SRBD1: variants seen among roughly 807,000 people sequenced by gnomAD.
SRBD1 encodes the protein S1 RNA binding domain 1.
Under a neutral mutation model 115.3 loss-of-function variants are expected in SRBD1, and 88 were observed. That is an observed-to-expected ratio of 0.76 (90% CI 0.64 to 0.91). The LOEUF is 0.91. SRBD1 is among the 40% of genes least tolerant of loss of function. SRBD1 has a pLI of 0.00. For synonymous variants in SRBD1, 509 were observed against 407.7 expected (o/e 1.25, Z -2.99); for missense variants, 1,385 against 1,177.4 (o/e 1.18, Z -2.58).
At chr2:45,514,003 T>C (rs953700261) in intron 14 of SRBD1, among the ~76,000 whole-genome samples, 3 of 152,184 alleles carry the variant, frequency 2.0e-5, no homozygotes, top group Admixed American at 1.3e-4. Context: ...TCTTTCATCA[T>C]ATTAGTTTAT....
intron 7 of SRBD1, among the ~76,000 whole-genome samples, chr2:45,576,334 G>C (rs967891677): frequency 1.3e-5 from 2 of 151,482 alleles, no homozygotes; most frequent in African/African-American, 4.9e-5. Context: ...TCAGCTTTAT[G>C]TCATCAGTAA....
At chr2:45,467,569 G>A (rs953082502) in intron 16 of SRBD1, among the ~76,000 whole-genome samples, 2 of 152,014 alleles carry the variant, frequency 1.3e-5, no homozygotes, top group Admixed American at 6.6e-5. Flanking sequence ...GACCATGGGG[G>A]AAAAATAATT....
At chr2:45,548,735 A>G (rs1004716644) in intron 12 of SRBD1, among the ~76,000 whole-genome samples, 5 of 150,306 alleles carry the variant, frequency 3.3e-5, no homozygotes, top group African/African-American at 1.2e-4. Flanking sequence ...AAAAACACTG[A>G]TAAAATATAT....
At chr2:45,502,448 T>C (rs890504496) in intron 14 of SRBD1, among the ~76,000 whole-genome samples, 7 of 152,084 alleles carry the variant, frequency 4.6e-5, no homozygotes, top group African/African-American at 1.4e-4. Context: ...CCATCAATGA[T>C]AGAATGGATT....
intron 16 of SRBD1, among the ~76,000 whole-genome samples, chr2:45,462,828 A>C (rs1382992586): frequency 6.6e-6 from 1 of 152,038 alleles, no homozygotes; most frequent in Admixed American, 6.5e-5. Flanking sequence ...TGCATCTCAA[A>C]AAAAAAAGTA....
chr2:45,409,846 G>T (rs1484064300), intron 19 of SRBD1, among the ~76,000 whole-genome samples: 1 of 152,010 alleles, frequency 6.6e-6, no homozygotes, highest in Non-Finnish European at 1.5e-5. Flanking sequence ...ACAGCTTAGA[G>T]AAATAAAAGA....
chr2:45,437,398 A>T (rs1668530835), intron 16 of SRBD1, among the ~76,000 whole-genome samples: 1 of 152,032 alleles, frequency 6.6e-6, no homozygotes, highest in African/African-American at 2.4e-5. Flanking sequence ...ATGGAATAGA[A>T]AGCACCAAAA....
chr2:45,480,418 G>C (rs1244630533), intron 15 of SRBD1, among the ~76,000 whole-genome samples: 1 of 152,160 alleles, frequency 6.6e-6, no homozygotes, highest in Non-Finnish European at 1.5e-5. Context: ...CCAGAGTTTG[G>C]AGGACAGTGA....
intron 15 of SRBD1, among the ~76,000 whole-genome samples, chr2:45,484,672 AT>A (rs1458490206): frequency 6.6e-6 from 1 of 152,210 alleles, no homozygotes; most frequent in Non-Finnish European, 1.5e-5. Context: ...GTGCCCCACC[AT>A]CTCCTATCAA....
At chr2:45,538,354 G>C (rs1304413857) in intron 14 of SRBD1, among the ~76,000 whole-genome samples, 1 of 152,146 alleles carries the variant, frequency 6.6e-6, no homozygotes, top group African/African-American at 2.4e-5. Context: ...ACTAAACTTA[G>C]AGGGATCAGA....
chr2:45,556,593 G>A (rs577195198), intron 10 of SRBD1, among the ~76,000 whole-genome samples: 12 of 151,542 alleles, frequency 7.9e-5, no homozygotes, highest in Non-Finnish European at 1.6e-4. Context: ...CTCCCGAGTA[G>A]CTGGGACTAC....
chr2:45,453,854 A>G (rs1378130923), intron 16 of SRBD1, among the ~76,000 whole-genome samples: 1 of 152,006 alleles, frequency 6.6e-6, no homozygotes, highest in Non-Finnish European at 1.5e-5. Flanking sequence ...ATTCTTTTTA[A>G]AGATTCTTCT....
At chr2:45,518,156 T>C (rs1671176432) in intron 14 of SRBD1, among the ~76,000 whole-genome samples, 1 of 152,090 alleles carries the variant, frequency 6.6e-6, no homozygotes, top group African/African-American at 2.4e-5. Context: ...AATAATATAT[T>C]TAGCCTCCAC....
chr2:45,542,519 G>C (rs1293348413), intron 14 of SRBD1, among the ~76,000 whole-genome samples: 7 of 152,192 alleles, frequency 4.6e-5, no homozygotes, highest in African/African-American at 1.7e-4. Flanking sequence ...CTCCCCTGCT[G>C]CAGCCAGTGT....
At chr2:45,415,501 A>T (rs1348201356) in intron 18 of SRBD1, among the ~76,000 whole-genome samples, 1 of 147,312 alleles carries the variant, frequency 6.8e-6, no homozygotes, top group Non-Finnish European at 1.5e-5. Flanking sequence ...GAGTGTGTAT[A>T]TATAGTGTGT....
chr2:45,528,606 G>A (rs1671520687), intron 14 of SRBD1, among the ~76,000 whole-genome samples: 2 of 151,870 alleles, frequency 1.3e-5, no homozygotes, highest in Non-Finnish European at 2.9e-5. Context: ...CTGAATCTGA[G>A]TCCATGTCTC....
At chr2:45,422,405 T>G (rs1668032283) in intron 16 of SRBD1, among the ~76,000 whole-genome samples, 1 of 152,190 alleles carries the variant, frequency 6.6e-6, no homozygotes, top group African/African-American at 2.4e-5. Flanking sequence ...GGTGACTGGT[T>G]AAAATCCATG....
At chr2:45,479,502 A>T (rs1166072436) in intron 15 of SRBD1, among the ~76,000 whole-genome samples, 1 of 152,198 alleles carries the variant, frequency 6.6e-6, no homozygotes, top group East Asian at 1.9e-4. Flanking sequence ...TAAACCAGCC[A>T]CAACATTCCC....
At chr2:45,453,252 T>A (rs1669049264) in intron 16 of SRBD1, among the ~76,000 whole-genome samples, 1 of 136,770 alleles carries the variant, frequency 7.3e-6, no homozygotes, top group East Asian at 2.0e-4. Context: ...TTGACTGACT[T>A]CAACACTGCT....
Sources: allele counts gnomAD v4.1 joint callset (sites outside exome capture counted in the v4.1 genomes callset), GRCh38; gene constraint gnomAD v4.1.1; transcripts MANE v1.5; gene names NCBI Gene and HGNC (gene_info 2026-07-23, HGNC 2026-07-21).